KCNJ3: variants seen among roughly 807,000 people sequenced by gnomAD.
The protein encoded by KCNJ3 is potassium inwardly rectifying channel subfamily J member 3.
Under a neutral mutation model 39.2 loss-of-function variants are expected in KCNJ3, and 4 were observed. The observed-to-expected ratio is 0.10, with a 90% CI of 0.05 to 0.23. The LOEUF (loss-of-function observed/expected upper bound fraction) is 0.23, where lower values mean the gene tolerates loss of function less well. Among genes scored for constraint, KCNJ3 ranks in the 10% least tolerant of loss-of-function variants. KCNJ3 has a pLI of 1.00. For missense variants in KCNJ3, 276 were observed against 634.9 expected (o/e 0.43, Z 6.08); for synonymous variants, 230 against 237.4 (o/e 0.97, Z 0.29).
In KCNJ3 at chr2:154,709,723, G is replaced by A. The variant is rs201650481; in HGVS notation, c.823G>A (p.Asp275Asn). The A allele has an allele frequency of 2.5e-6, 4 of 1,613,892 alleles. 1 individual carries two copies. In the Admixed American group the frequency reaches 6.7e-5, roughly 27 times the overall value. ...VSPLTICHVI[D>N]AKSPFYDLSQ... The stretch of plus-strand genomic sequence containing the variant: ...CCCCCTCACAATTTGCCACGTGATC[G>A]ATGCCAAAAGCCCCTTTTATGACCT... Residue 275 changes from aspartate to asparagine, a missense_variant, in exon 2 of 3, where the codon GAT becomes AAT. Asp to Asn is a conservative substitution (Grantham distance 23). This residue lies in a region of KCNJ3 where 77 missense variants were observed against 200.0 expected (regional missense o/e 0.38). Coordinates refer to ENST00000295101, the MANE Select transcript of KCNJ3 (RefSeq NM_002239.4).
intron 1 of KCNJ3, among the ~76,000 whole-genome samples, chr2:154,703,026 T>C (rs929610816): frequency 6.6e-6 from 1 of 151,986 alleles, no homozygotes. Context: ...TATAGTTTAG[T>C]GCTGGGTTTA....
chr2:154,855,332 ATTAT>A lies in KCNJ3; in HGVS notation c.*23_*26del, dbSNP rs746648886. On this transcript the variant is annotated 3_prime_UTR_variant, in exon 3 of 3. Coordinates refer to ENST00000295101, the MANE Select transcript of KCNJ3 (RefSeq NM_002239.4). ...CACATAACAAAGCACTCCCTTAGGCATTATTTAATGTTTGATTTAGTAATAGTCC... is the reference window on the plus strand; with the variant it reads ...CACATAACAAAGCACTCCCTTAGGCATTAATGTTTGATTTAGTAATAGTCC... The A allele has an allele frequency of 3.4e-6, 5 of 1,487,132 alleles. No homozygotes were observed. The highest frequency in any genetic ancestry group is 1.4e-5 in the African/African-American group (1 of 70,746). The allele number at this position is 1,487,132 out of a possible 1,614,324, so 92.1% of individuals were successfully genotyped here.
intron 2 of KCNJ3, among the ~76,000 whole-genome samples, chr2:154,749,677 A>G (rs1234680725): frequency 1.3e-5 from 2 of 151,962 alleles, no homozygotes; most frequent in African/African-American, 4.8e-5. Context: ...CCTCACACTC[A>G]TTTTCCCTTA....
intron 2 of KCNJ3, among the ~76,000 whole-genome samples, chr2:154,731,733 G>T (rs1204546130): frequency 7.3e-5 from 11 of 151,232 alleles, no homozygotes; most frequent in Admixed American, 4.0e-4. Flanking sequence ...GAGAGACACA[G>T]TTTTTGTATT....
chr2:154,807,823 G>C (rs1237072668), intron 2 of KCNJ3, among the ~76,000 whole-genome samples: 1 of 152,046 alleles, frequency 6.6e-6, no homozygotes, highest in Non-Finnish European at 1.5e-5. Flanking sequence ...TGGGACACTG[G>C]GATGTGTTTC....
At chr2:154,791,005 C>G (rs1316102857) in intron 2 of KCNJ3, among the ~76,000 whole-genome samples, 1 of 151,992 alleles carries the variant, frequency 6.6e-6, no homozygotes, top group East Asian at 1.9e-4. Flanking sequence ...ATTTGTCCTC[C>G]TTCTCTCCCC....
At chr2:154,810,307 C>G (rs1177901264) in intron 2 of KCNJ3, among the ~76,000 whole-genome samples, 3 of 152,134 alleles carry the variant, frequency 2.0e-5, no homozygotes, top group South Asian at 2.1e-4. Flanking sequence ...TAGTCTTGAA[C>G]TCTTGGACTC....
intron 2 of KCNJ3, among the ~76,000 whole-genome samples, chr2:154,806,493 T>C (rs1558879044): frequency 1.3e-5 from 2 of 152,208 alleles, no homozygotes; most frequent in African/African-American, 2.4e-5. Context: ...TGTCATACTC[T>C]GGTAGACTTG....
chr2:154,831,479 G>T (rs1687362468), intron 2 of KCNJ3, among the ~76,000 whole-genome samples: 2 of 152,076 alleles, frequency 1.3e-5, no homozygotes, highest in African/African-American at 2.4e-5. Flanking sequence ...TTAAGGTTAG[G>T]ATAATTGCCA....
intron 2 of KCNJ3, among the ~76,000 whole-genome samples, chr2:154,715,388 G>A (rs1685164759): frequency 6.6e-6 from 1 of 152,136 alleles, no homozygotes; most frequent in South Asian, 2.1e-4. Flanking sequence ...ATACACTCAT[G>A]CTCACTCTTG....
rs994138508 is a variant in KCNJ3 at position 154,699,504 on chromosome 2, C to T, written c.702+27C>T. The stretch of plus-strand genomic sequence containing the variant: ...TAAGTGCTCCCCGCCCCTTCCCCAC[C>T]GGGAGACCTGCGTCCCCCAAACCCG... On this transcript the variant is annotated intron_variant, in intron 1 of 2. Transcript: ENST00000295101. The surrounding 1 kb of genome is among the most constrained non-coding windows in gnomAD (Gnocchi z 6.4). The T allele has an allele frequency of 6.5e-7, 1 of 1,536,838 alleles. No individual in the cohort carries two copies.
chr2:154,793,901 A>G (rs1686678473), intron 2 of KCNJ3, among the ~76,000 whole-genome samples: 1 of 152,030 alleles, frequency 6.6e-6, no homozygotes, highest in Non-Finnish European at 1.5e-5. Context: ...GCCTCTAGGC[A>G]CTTGTACTGT....
At chr2:154,794,098 A>G (rs1367317123) in intron 2 of KCNJ3, among the ~76,000 whole-genome samples, 1 of 151,946 alleles carries the variant, frequency 6.6e-6, no homozygotes, top group Non-Finnish European at 1.5e-5. Context: ...TTTCAAATCT[A>G]ACTAAAGAAT....
intron 2 of KCNJ3, among the ~76,000 whole-genome samples, chr2:154,710,306 T>C (rs571302422): frequency 6.6e-6 from 1 of 152,252 alleles, no homozygotes; most frequent in East Asian, 1.9e-4. Flanking sequence ...CTGTGTGTGC[T>C]AAAGCAGCAT....
chr2:154,754,881 A>T (rs2349438), intron 2 of KCNJ3, among the ~76,000 whole-genome samples: 27,603 of 152,070 alleles, frequency 0.18, 5,147 homozygotes, highest in African/African-American at 0.47. Context: ...GGAGTTTTAA[A>T]GTAGCAGGTT....
At chr2:154,801,519 TTCTTTCC>T (rs1686817225) in intron 2 of KCNJ3, among the ~76,000 whole-genome samples, 1 of 151,404 alleles carries the variant, frequency 6.6e-6, no homozygotes, top group Non-Finnish European at 1.5e-5. Context: ...TTTCTTTTCT[TTCTTTCC>T]TTCTTTCCTT....
chr2:154,726,792 T>TACACACACACACACACACACACACACAC (rs1421883511), intron 2 of KCNJ3, among the ~76,000 whole-genome samples: 1 of 101,316 alleles, frequency 9.9e-6, no homozygotes, highest in African/African-American at 4.2e-5. Flanking sequence ...ACATTTTATA[T>TACACACACACACACACACACACACACAC]ACATACACAC....
chr2:154,701,975 T>TG (rs2105145077), intron 1 of KCNJ3, among the ~76,000 whole-genome samples: 1 of 152,050 alleles, frequency 6.6e-6, no homozygotes, highest in Admixed American at 6.5e-5. Context: ...CATGTTTTAT[T>TG]GGGGAAATAA....
intron 2 of KCNJ3, among the ~76,000 whole-genome samples, chr2:154,825,662 A>T (rs773189708): frequency 1.3e-5 from 2 of 151,466 alleles, no homozygotes; most frequent in African/African-American, 2.4e-5. Flanking sequence ...TGCAGCCTTG[A>T]CCTCCCAGAC....
Sources: allele counts gnomAD v4.1 joint callset (sites outside exome capture counted in the v4.1 genomes callset), GRCh38; gene constraint gnomAD v4.1.1; regional missense constraint gnomAD v4.1.1; non-coding constraint Gnocchi (gnomAD v3.1); transcripts MANE v1.5; gene names NCBI Gene and HGNC (gene_info 2026-07-23, HGNC 2026-07-21).